Variants in AUTS2 observed in about 807,000 individuals in gnomAD.
AUTS2 encodes activator of transcription and developmental regulator AUTS2, also known as autism susceptibility gene 2 protein.
AUTS2 carries 17 observed loss-of-function variants against 112.4 expected under a neutral mutation model. That is an observed-to-expected ratio of 0.15 (90% CI 0.10 to 0.23). AUTS2 has a LOEUF of 0.23. AUTS2 is among the 10% of genes least tolerant of loss of function. AUTS2 has a pLI of 1.00. For synonymous variants in AUTS2, 751 were observed against 702.7 expected, an observed-to-expected ratio of 1.07 and a Z score of -1.09; for missense variants, 1,510 against 1,701.6, an observed-to-expected ratio of 0.89 and a Z score of 1.98.
intron 5 of AUTS2, among the ~76,000 whole-genome samples, chr7:70,591,366 G>T (rs1309794944): frequency 6.6e-6 from 1 of 151,042 alleles, no homozygotes; most frequent in African/African-American, 2.5e-5. Context: ...TTTGTTCCTA[G>T]CAACGGGTTT....
At chr7:69,835,868 T>G (rs1017212835) in intron 1 of AUTS2, among the ~76,000 whole-genome samples, 1 of 152,184 alleles carries the variant, frequency 6.6e-6, no homozygotes, top group Non-Finnish European at 1.5e-5. Context: ...TCAATTTAGG[T>G]GCACAGATGT....
Position 70,777,093 on chromosome 7 carries a change from C to T in AUTS2, c.1933-10C>T. ...CTTCCTCCTAACCACGTTGCTCTTT[C>T]TTGTTCCAGAAACCAGGGAAGTGGT... On this transcript the variant is annotated splice_polypyrimidine_tract_variant and intron_variant, in intron 13 of 18. Coordinates refer to ENST00000342771, the MANE Select transcript of AUTS2 (RefSeq NM_015570.4). 5 of 1,613,970 alleles carry T rather than the reference C, an allele frequency of 3.1e-6. No homozygotes were observed. The highest frequency in any genetic ancestry group is 1.7e-5 in the Admixed American group (1 of 60,026).
chr7:70,623,184 G>A (rs560445318), intron 5 of AUTS2, among the ~76,000 whole-genome samples: 6 of 152,298 alleles, frequency 3.9e-5, no homozygotes, highest in South Asian at 2.1e-4. Flanking sequence ...CAACTGTTGC[G>A]TTTGGCAGGC....
At chr7:70,382,882 A>G (rs530370318) in intron 4 of AUTS2, among the ~76,000 whole-genome samples, 15 of 152,346 alleles carry the variant, frequency 9.8e-5, no homozygotes, top group African/African-American at 3.4e-4. Flanking sequence ...GAAAAAAAGT[A>G]TACAGAAGAG....
At chr7:70,162,424 C>T (rs1354306666) in intron 4 of AUTS2, among the ~76,000 whole-genome samples, 10 of 107,746 alleles carry the variant, frequency 9.3e-5, no homozygotes, top group South Asian at 3.4e-4. Flanking sequence ...CCAGCCTGGG[C>T]GACAGAGCGA....
chr7:70,352,252 TG>T (rs1249680640), intron 4 of AUTS2, among the ~76,000 whole-genome samples: 1 of 152,086 alleles, frequency 6.6e-6, no homozygotes, highest in Non-Finnish European at 1.5e-5. Flanking sequence ...CTCTTTGGAG[TG>T]GTTTGTTTCA....
chr7:69,942,664 T>G (rs1182776118), intron 2 of AUTS2, among the ~76,000 whole-genome samples: 2 of 152,212 alleles, frequency 1.3e-5, no homozygotes, highest in Non-Finnish European at 2.9e-5. Flanking sequence ...TGTGATTCCA[T>G]CCATGGAGTA....
intron 1 of AUTS2, among the ~76,000 whole-genome samples, chr7:69,640,064 A>G (rs1179820162): frequency 2.0e-5 from 3 of 152,214 alleles, no homozygotes; most frequent in African/African-American, 7.2e-5. Flanking sequence ...TTTCTATGGC[A>G]ACTTCCAGGC....
chr7:70,559,485 C>A (rs1210147491), intron 5 of AUTS2, among the ~76,000 whole-genome samples: 1 of 152,028 alleles, frequency 6.6e-6, no homozygotes, highest in Non-Finnish European at 1.5e-5. Context: ...CAGGCACACA[C>A]CACCACACCC....
chr7:70,712,619 G>A (rs891808825), intron 6 of AUTS2, among the ~76,000 whole-genome samples: 8 of 152,154 alleles, frequency 5.3e-5, no homozygotes, highest in Non-Finnish European at 8.8e-5. Flanking sequence ...TCACAACTCT[G>A]TTTTCACAAG....
intron 4 of AUTS2, among the ~76,000 whole-genome samples, chr7:70,262,313 C>T (rs920515238): frequency 1.3e-5 from 2 of 152,066 alleles, no homozygotes; most frequent in African/African-American, 2.4e-5. Context: ...CCTCAGTCTC[C>T]GGAGTAGCTG....
chr7:70,048,283 C>T (rs773533728), intron 2 of AUTS2, among the ~76,000 whole-genome samples: 3 of 152,178 alleles, frequency 2.0e-5, no homozygotes, highest in African/African-American at 4.8e-5. Flanking sequence ...TCCATTACAT[C>T]ACACATGCTG....
At chr7:70,033,689 CAGGAGGAACTTATTGGTGTTTT>C (rs1334844021) in intron 2 of AUTS2, among the ~76,000 whole-genome samples, 1 of 152,056 alleles carries the variant, frequency 6.6e-6, no homozygotes, top group African/African-American at 2.4e-5. Flanking sequence ...TGCATTATAT[CAGGAGGAACTTATTGGTGTTTT>C]AGGACCATTA....
intron 4 of AUTS2, among the ~76,000 whole-genome samples, chr7:70,155,841 C>T (rs1807718660): frequency 1.3e-5 from 2 of 152,074 alleles, no homozygotes; most frequent in African/African-American, 2.4e-5. Flanking sequence ...GAGAGGAGCC[C>T]GTGTGAGTTC....
intron 5 of AUTS2, among the ~76,000 whole-genome samples, chr7:70,668,169 G>A (rs1807443806): frequency 6.6e-6 from 1 of 152,172 alleles, no homozygotes; most frequent in Non-Finnish European, 1.5e-5. Flanking sequence ...TAGTAGAGAT[G>A]GGTTTCACCA....
intron 5 of AUTS2, among the ~76,000 whole-genome samples, chr7:70,454,514 G>A (rs1796657196): frequency 6.6e-6 from 1 of 151,972 alleles, no homozygotes; most frequent in African/African-American, 2.4e-5. Flanking sequence ...TCCACCCTGG[G>A]TAACAAGAGT....
intron 1 of AUTS2, among the ~76,000 whole-genome samples, chr7:69,804,466 G>C (rs1304258685): frequency 3.9e-5 from 6 of 152,192 alleles, no homozygotes; most frequent in African/African-American, 1.4e-4. Context: ...CTGAAATGCT[G>C]AGTTTAGGGT....
chr7:70,134,755 GGGATCTT>G (rs1352331409), intron 4 of AUTS2, among the ~76,000 whole-genome samples, 184 bp downstream of exon 4: 1 of 152,112 alleles, frequency 6.6e-6, no homozygotes, highest in Non-Finnish European at 1.5e-5. Flanking sequence ...CTGGGCCCTA[GGGATCTT>G]AAGTAAGTCC....
rs1214229860 is a variant in AUTS2 at position 70,784,758 on chromosome 7, A to C, written c.2147-184A>C. On this transcript the variant is annotated intron_variant, in intron 15 of 18. Coordinates refer to ENST00000342771, the MANE Select transcript of AUTS2 (RefSeq NM_015570.4). ...TCTGCTTCCTAAAAAAAAAAAAAAAAAAAAAAAAAAAAAAACACACATTTT... is the reference window on the plus strand; with the variant it reads ...TCTGCTTCCTAAAAAAAAAAAAAAACAAAAAAAAAAAAAAACACACATTTT... 37 of 439,704 alleles carry C rather than the reference A, an allele frequency of 8.4e-5. No homozygotes were observed. In the East Asian group the frequency reaches 1.7e-3, roughly 20 times the overall value. 27.2% of individuals were successfully genotyped at this position (439,704 alleles called of 1,614,324 possible).
Sources: gnomAD v4.1 joint callset for allele counts (sites outside exome capture counted in the v4.1 genomes callset) on GRCh38, gnomAD v4.1.1 for gene constraint, MANE v1.5 for transcripts, NCBI Gene and HGNC (gene_info 2026-07-23, HGNC 2026-07-21) for gene names.